Variants in ANTXR1 observed in about 807,000 individuals in gnomAD.
The protein encoded by ANTXR1 is anthrax toxin receptor 1.
Under a neutral mutation model 78.1 loss-of-function variants are expected in ANTXR1, and 19 were observed. The observed-to-expected ratio is 0.24, with a 90% CI of 0.17 to 0.36. The LOEUF (loss-of-function observed/expected upper bound fraction) is 0.36, where lower values mean the gene tolerates loss of function less well. ANTXR1 is among the 10% of genes least tolerant of loss of function. The probability of loss-of-function intolerance (pLI) is 1.00; values close to 1 mark genes in which losing one functional copy is unlikely to be tolerated. For missense variants in ANTXR1, 518 were observed against 718.6 expected (o/e 0.72, Z 3.19); for synonymous variants, 273 against 260.5 (o/e 1.05, Z -0.46).
At chr2:69,053,291 T>C (rs1027632543) in intron 3 of ANTXR1, among the ~76,000 whole-genome samples, 1 of 152,220 alleles carries the variant, frequency 6.6e-6, no homozygotes, top group Non-Finnish European at 1.5e-5. Context: ...AAAACATTTA[T>C]ATGTAGCATA....
intron 16 of ANTXR1, among the ~76,000 whole-genome samples, chr2:69,190,707 C>T (rs993943289): frequency 1.3e-5 from 2 of 152,208 alleles, no homozygotes; most frequent in Admixed American, 1.3e-4. Flanking sequence ...AGGCTGGCTT[C>T]AGTCACTTTG....
At chr2:69,064,227 T>C (rs554686008) in intron 3 of ANTXR1, among the ~76,000 whole-genome samples, 96 of 152,330 alleles carry the variant, frequency 6.3e-4, no homozygotes, top group African/African-American at 2.2e-3. Context: ...TAATTTCTTA[T>C]GCTGATTTCA....
At chr2:69,075,745 A>G in intron 7 of ANTXR1, 87 bp downstream of exon 7, 1 of 1,157,538 alleles carries the variant, frequency 8.6e-7, no homozygotes, top group Non-Finnish European at 1.3e-6. Flanking sequence ...GGGAAGATCA[A>G]TGGAATAAAT....
At chr2:69,106,247 T>C in intron 10 of ANTXR1, among the ~76,000 whole-genome samples, 1 of 152,226 alleles carries the variant, frequency 6.6e-6, no homozygotes, top group East Asian at 1.9e-4. Flanking sequence ...TTTCCTTGCA[T>C]TTGCTTAAAA....
intron 1 of ANTXR1, among the ~76,000 whole-genome samples, chr2:69,015,067 A>G (rs1199854694): frequency 6.8e-6 from 1 of 148,118 alleles, no homozygotes; most frequent in Non-Finnish European, 1.5e-5. Flanking sequence ...TATTCAGGAA[A>G]ATCTAAAAAA....
intron 1 of ANTXR1, among the ~76,000 whole-genome samples, chr2:69,024,649 C>T (rs1461950857): frequency 6.6e-6 from 1 of 152,130 alleles, no homozygotes; most frequent in Non-Finnish European, 1.5e-5. Flanking sequence ...AATGGTGGCC[C>T]TATAAGTCCA....
chr2:69,118,490 A>G (rs942540804), intron 10 of ANTXR1, among the ~76,000 whole-genome samples: 7 of 152,216 alleles, frequency 4.6e-5, no homozygotes, highest in African/African-American at 1.7e-4. Flanking sequence ...GTCTGATTTC[A>G]AACTCCCACC....
rs181054180 is a variant in ANTXR1, at chr2:69,213,910, C to T, written c.1434+20495C>T. Among the ~76,000 whole-genome samples the T allele has an allele frequency of 9.2e-5, 14 of 152,348 alleles. No individual in the cohort carries two copies. The East Asian group carries it at 2.5e-3, about 27-fold the overall frequency. On this transcript the variant is annotated intron_variant, in intron 17 of 17. Coordinates refer to ENST00000303714, the MANE Select transcript of ANTXR1 (RefSeq NM_032208.3). ...GCCCCCATTGCCAGCAGCCTTGGGA[C>T]GTATGTGGGGGCACTAAGCATAATG...
chr2:69,095,674 A>G (rs1671377119), intron 9 of ANTXR1, among the ~76,000 whole-genome samples: 1 of 152,220 alleles, frequency 6.6e-6, no homozygotes, highest in Non-Finnish European at 1.5e-5. Flanking sequence ...CAACTTGTAC[A>G]ACTAAAGCTT....
chr2:69,173,085 C>T (rs1674036504), intron 14 of ANTXR1, among the ~76,000 whole-genome samples: 1 of 152,144 alleles, frequency 6.6e-6, no homozygotes, highest in African/African-American at 2.4e-5. Flanking sequence ...AAAACAGAGA[C>T]CAGTTCAAGC....
At chr2:69,120,861 G>C (rs189898024) in intron 10 of ANTXR1, among the ~76,000 whole-genome samples, 9 of 152,236 alleles carry the variant, frequency 5.9e-5, no homozygotes, top group Admixed American at 5.2e-4. Flanking sequence ...AATTTCAAAA[G>C]CTTCATCATG....
chr2:69,187,298 TC>T (rs778282772), intron 16 of ANTXR1, among the ~76,000 whole-genome samples: 13 of 152,152 alleles, frequency 8.5e-5, no homozygotes, highest in Non-Finnish European at 1.8e-4. Context: ...GCCTGCATTT[TC>T]CTTTGCTTGG....
rs1670533493 is a variant in ANTXR1 at position 69,070,512 on chromosome 2, T to C, written c.297-135T>C. The C allele has an allele frequency of 1.4e-5, 11 of 808,842 alleles. No homozygotes were observed. In the Admixed American group the frequency reaches 1.8e-4, roughly 13 times the overall value. 50.1% of individuals were successfully genotyped at this position (808,842 alleles called of 1,614,324 possible). On this transcript the variant is annotated intron_variant, in intron 3 of 17. Coordinates refer to ENST00000303714, the MANE Select transcript of ANTXR1 (RefSeq NM_032208.3). ...GAACGGATAATATAAAGGCCTTCCC[T>C]TTGATAGGCTTTTGGGGAATTACTG...
At chr2:69,055,455 G>T (rs878857757) in intron 3 of ANTXR1, among the ~76,000 whole-genome samples, 2 of 152,128 alleles carry the variant, frequency 1.3e-5, no homozygotes, top group Admixed American at 1.3e-4. Context: ...ATGGTAAAAA[G>T]AAATCACCAT....
chr2:69,053,087 T>C (rs1669970123), intron 3 of ANTXR1, among the ~76,000 whole-genome samples: 1 of 152,200 alleles, frequency 6.6e-6, no homozygotes, highest in Non-Finnish European at 1.5e-5. Context: ...TATATGACTT[T>C]ATTTCAAAGG....
chr2:69,113,293 C>T (rs1208762577), intron 10 of ANTXR1, among the ~76,000 whole-genome samples: 1 of 152,116 alleles, frequency 6.6e-6, no homozygotes, highest in East Asian at 1.9e-4. Flanking sequence ...TGCTGCCCTT[C>T]CCCATGCAAT....
intron 10 of ANTXR1, 98 bp from the exon 11 acceptor site, chr2:69,122,919 G>T (rs1160160255): frequency 1.1e-5 from 15 of 1,319,820 alleles, no homozygotes; most frequent in East Asian, 4.6e-5. Flanking sequence ...TGTTTTTTTG[G>T]TATCTCCCTG....
At chr2:69,059,815 A>G (rs1362981417) in intron 3 of ANTXR1, among the ~76,000 whole-genome samples, 5 of 152,216 alleles carry the variant, frequency 3.3e-5, no homozygotes, top group Admixed American at 3.3e-4. Context: ...AGAACCCACA[A>G]TATATCCAAG....
chr2:69,081,767 A>G (rs536633880), intron 8 of ANTXR1, among the ~76,000 whole-genome samples: 7 of 152,280 alleles, frequency 4.6e-5, no homozygotes, highest in East Asian at 1.9e-4. Context: ...TCCTACCTCT[A>G]TTTTCTTAGG....
Sources: gnomAD v4.1 joint callset for allele counts (sites outside exome capture counted in the v4.1 genomes callset) on GRCh38, gnomAD v4.1.1 for gene constraint, MANE v1.5 for transcripts, NCBI Gene and HGNC (gene_info 2026-07-23, HGNC 2026-07-21) for gene names.